PDGFD: variants seen among roughly 807,000 people sequenced by gnomAD.
PDGFD encodes platelet-derived growth factor D.
Under a neutral mutation model 44.7 loss-of-function variants are expected in PDGFD, and 30 were observed. The ratio of observed to expected loss-of-function variants is 0.67; its 90% confidence interval spans 0.50 to 0.91. PDGFD has a LOEUF of 0.91. Ranked by LOEUF, PDGFD falls within the 40% of genes least tolerant of loss-of-function variation. The pLI, the probability that PDGFD is intolerant of heterozygous loss-of-function variation, is 0.00. For missense variants in PDGFD, 445 were observed against 457.8 expected, an observed-to-expected ratio of 0.97 and a Z score of 0.25; for synonymous variants, 173 against 168.4, an observed-to-expected ratio of 1.03 and a Z score of -0.21.
At chr11:104,029,427 T>C (rs138764296) in intron 1 of PDGFD, among the ~76,000 whole-genome samples, 456 of 152,354 alleles carry the variant, frequency 3.0e-3, no homozygotes, top group African/African-American at 0.01. Flanking sequence ...ATTACTATGG[T>C]AATCAATTAA....
chr11:103,962,098 A>C (rs1858946994), intron 3 of PDGFD, among the ~76,000 whole-genome samples: 1 of 152,170 alleles, frequency 6.6e-6, no homozygotes. Flanking sequence ...GGGTGGTGGA[A>C]AAAAATTGAA....
intron 5 of PDGFD, among the ~76,000 whole-genome samples, chr11:103,935,957 A>G (rs1450027488): frequency 3.3e-5 from 5 of 152,216 alleles, no homozygotes; most frequent in Admixed American, 6.5e-5. Flanking sequence ...TCTCAAGTCC[A>G]TGCTCTTTCC....
intron 1 of PDGFD, among the ~76,000 whole-genome samples, chr11:104,035,209 C>A (rs1199860865): frequency 6.6e-6 from 1 of 152,156 alleles, no homozygotes; most frequent in East Asian, 1.9e-4. Context: ...TTCATTCATT[C>A]CCCTTCAAGG....
At chr11:104,032,296 A>C (rs1336079955) in intron 1 of PDGFD, among the ~76,000 whole-genome samples, 1 of 152,214 alleles carries the variant, frequency 6.6e-6, no homozygotes, top group Non-Finnish European at 1.5e-5. Context: ...CTGTAAAGCA[A>C]ATAAAAGAAT....
chr11:103,928,428 A>G (rs1858350797), intron 5 of PDGFD, among the ~76,000 whole-genome samples: 1 of 152,194 alleles, frequency 6.6e-6, no homozygotes, highest in African/African-American at 2.4e-5. Context: ...TTAGGCTTAA[A>G]CTGAAACTGC....
chr11:103,981,876 A>T (rs1315891319), intron 3 of PDGFD, among the ~76,000 whole-genome samples: 1 of 151,788 alleles, frequency 6.6e-6, no homozygotes, highest in African/African-American at 2.4e-5. Flanking sequence ...TCATCAACAG[A>T]AGACCCAAAT....
At chr11:104,033,047 G>GGGGT (rs1491133529) in intron 1 of PDGFD, among the ~76,000 whole-genome samples, 7 of 116,384 alleles carry the variant, frequency 6.0e-5, no homozygotes, top group African/African-American at 2.1e-4. Flanking sequence ...TTTATGTTTA[G>GGGGT]GGGTGTGTGT....
intron 1 of PDGFD, among the ~76,000 whole-genome samples, chr11:104,138,785 G>C (rs1191369904): frequency 6.6e-6 from 1 of 151,858 alleles, no homozygotes; most frequent in African/African-American, 2.4e-5. Context: ...TTTTTGAGAT[G>C]GAGTCTCATT....
At chr11:104,026,974 T>C (rs796638931) in intron 1 of PDGFD, among the ~76,000 whole-genome samples, 19 of 152,336 alleles carry the variant, frequency 1.2e-4, no homozygotes, top group African/African-American at 4.6e-4. Flanking sequence ...TGCTACACTT[T>C]TTCACTATTA....
At chr11:103,960,395 T>C (rs1039989257) in intron 3 of PDGFD, among the ~76,000 whole-genome samples, 1 of 152,184 alleles carries the variant, frequency 6.6e-6, no homozygotes, top group African/African-American at 2.4e-5. Context: ...CTTTAAACTG[T>C]TATTTACTTA....
chr11:104,148,341 A>C (rs1862192928), intron 1 of PDGFD, among the ~76,000 whole-genome samples: 1 of 152,172 alleles, frequency 6.6e-6, no homozygotes, highest in Non-Finnish European at 1.5e-5. Flanking sequence ...CAATGATAAT[A>C]TGTGTTGTTC....
chr11:103,960,447 G>T (rs555284549), intron 3 of PDGFD, among the ~76,000 whole-genome samples: 43 of 152,278 alleles, frequency 2.8e-4, no homozygotes, highest in Non-Finnish European at 5.6e-4. Context: ...AGTTGCAAGG[G>T]ATCTCATAGA....
intron 6 of PDGFD, among the ~76,000 whole-genome samples, chr11:103,916,308 A>G (rs992205128): frequency 5.0e-5 from 7 of 140,002 alleles, no homozygotes; most frequent in Non-Finnish European, 1.1e-4. Flanking sequence ...AAAAGAAGAC[A>G]TTTATGCAGC....
chr11:104,095,036 T>C (rs1466114294), intron 1 of PDGFD, among the ~76,000 whole-genome samples: 2 of 152,112 alleles, frequency 1.3e-5, no homozygotes, highest in Non-Finnish European at 2.9e-5. Flanking sequence ...AACTTTTTTT[T>C]CCTGGTAGGT....
chr11:103,986,797 G>A (rs1282158814), intron 3 of PDGFD, among the ~76,000 whole-genome samples: 2 of 152,188 alleles, frequency 1.3e-5, no homozygotes, highest in Admixed American at 6.5e-5. Context: ...AGAAATTATG[G>A]TTTAGGAGTC....
intron 1 of PDGFD, among the ~76,000 whole-genome samples, chr11:104,100,880 G>A (rs1254821319): frequency 6.6e-6 from 1 of 151,994 alleles, no homozygotes; most frequent in Non-Finnish European, 1.5e-5. Context: ...ATGCAGAAAA[G>A]GCCTTTGACA....
chr11:104,133,619 G>A (rs1403652364), intron 1 of PDGFD, among the ~76,000 whole-genome samples: 1 of 152,112 alleles, frequency 6.6e-6, no homozygotes, highest in Non-Finnish European at 1.5e-5. Flanking sequence ...TTATTGACAT[G>A]TTTCACTGTG....
intron 1 of PDGFD, among the ~76,000 whole-genome samples, chr11:104,094,999 C>T (rs1035795817): frequency 3.9e-5 from 6 of 152,098 alleles, no homozygotes; most frequent in African/African-American, 1.2e-4. Context: ...TCCAGTTACT[C>T]AAAGGCATCA....
At chr11:103,916,911 G>T (rs1301492704) in intron 6 of PDGFD, among the ~76,000 whole-genome samples, 1 of 152,096 alleles carries the variant, frequency 6.6e-6, no homozygotes, top group Non-Finnish European at 1.5e-5. Flanking sequence ...CACAGGGAGG[G>T]GAACATCACA....
Sources: allele counts gnomAD v4.1 joint callset (sites outside exome capture counted in the v4.1 genomes callset), GRCh38; gene constraint gnomAD v4.1.1; transcripts MANE v1.5; gene names NCBI Gene and HGNC (gene_info 2026-07-23, HGNC 2026-07-21).